Variants in DQX1 observed in about 807,000 individuals in gnomAD.
The protein encoded by DQX1 is ATP-dependent RNA helicase homolog DQX1.
DQX1 carries 66 observed loss-of-function variants against 81.3 expected under a neutral mutation model. The observed-to-expected ratio is 0.81, with a 90% CI of 0.67 to 1.00. The LOEUF is 1.00. Ranked by LOEUF, DQX1 falls within the 50% of genes least tolerant of loss-of-function variation. The pLI is 0.00. For missense variants in DQX1, 798 were observed against 867.9 expected (o/e 0.92, Z 1.01); for synonymous variants, 290 against 350.0 (o/e 0.83, Z 1.91).
At chr2:74,518,975 C>T in intron 11 of DQX1, 65 bp downstream of exon 11, 1 of 1,434,468 alleles carries the variant, frequency 7.0e-7, no homozygotes, top group Non-Finnish European at 9.3e-7. Context: ...TCTCTAACTC[C>T]CCAGCCATAA....
chr2:74,523,650 T>G, intron 4 of DQX1, 113 bp from the exon 5 acceptor site: 1 of 1,073,988 alleles, frequency 9.3e-7, no homozygotes, highest in Admixed American at 2.5e-5. Context: ...AAATGCAAAT[T>G]ACTCATAAAG....
At position 74,518,361 on chromosome 2, in the gene DQX1, A is replaced by G; in HGVS notation, c.*85T>C. ...ATTTGACCCTAAACTTTGGGCTTCT[A>G]AATCTGTCTGGGTGCTTTGGTGTCA... On this transcript the variant is annotated 3_prime_UTR_variant, in exon 12 of 12. Coordinates refer to ENST00000404568, the MANE Select transcript of DQX1 (RefSeq NM_133637.3). The G allele has an allele frequency of 6.6e-7, 1 of 1,523,000 alleles. No homozygotes were observed. The highest frequency in any genetic ancestry group is 2.0e-5 in the Admixed American group (1 of 50,796). The allele number at this position is 1,523,000 out of a possible 1,614,324, so 94.3% of individuals were successfully genotyped here.
intron 4 of DQX1, 84 bp from the exon 5 acceptor site, chr2:74,523,621 A>G: frequency 7.6e-7 from 1 of 1,320,940 alleles, no homozygotes; most frequent in South Asian, 1.3e-5. Flanking sequence ...GTTGAAAGTT[A>G]TGGCCCTTCA....
intron 8 of DQX1, among the ~76,000 whole-genome samples, chr2:74,522,061 G>A (rs1192667910): frequency 6.6e-6 from 1 of 152,226 alleles, no homozygotes; most frequent in African/African-American, 2.4e-5. Context: ...GACCAGAGAC[G>A]TAGGATGAAA....
At chr2:74,521,344 A>G (rs761542832) in intron 8 of DQX1, among the ~76,000 whole-genome samples, 8 of 152,128 alleles carry the variant, frequency 5.3e-5, no homozygotes, top group Non-Finnish European at 1.2e-4. Context: ...ACTGTTAACT[A>G]TTCTGGTAGA....
intron 9 of DQX1, 35 bp from the exon 10 acceptor site, chr2:74,519,781 C>T (rs1003286889): frequency 1.2e-6 from 2 of 1,611,126 alleles, no homozygotes; most frequent in South Asian, 1.1e-5. Flanking sequence ...AACTAAAGTC[C>T]TTGAGACCCC....
intron 4 of DQX1, 27 bp downstream of exon 4, chr2:74,523,896 T>G (rs776259210): frequency 2.7e-6 from 4 of 1,498,728 alleles, no homozygotes; most frequent in Non-Finnish European, 1.8e-6. Context: ...TTGCAGGCTG[T>G]TTTTTTTGTT....
rs774756227 is a variant in DQX1 at position 74,519,764 on chromosome 2, C to T, written c.1616-18G>A. 3 of 1,613,528 alleles carry T rather than the reference C, an allele frequency of 1.9e-6. No homozygotes were observed. Among genetic ancestry groups the T allele is most frequent in the Non-Finnish European group, 1.7e-6 (2 of 1,179,614 alleles). On this transcript the variant is annotated intron_variant, in intron 9 of 11. Transcript: ENST00000404568. The stretch of plus-strand genomic sequence containing the variant: ...TGCTCCACCTAGGAGAGGAAAGGGA[C>T]CAGCTAAACTAAAGTCCTTGAGACC...
In DQX1 at chr2:74,525,476, C is replaced by G. The variant is rs1675151063; in HGVS notation, c.237+17G>C. 5 of 1,550,730 alleles carry G rather than the reference C, an allele frequency of 3.2e-6. No individual in the cohort carries two copies. The highest frequency in any genetic ancestry group is 2.0e-5 in the Admixed American group (1 of 50,990). On this transcript the variant is annotated intron_variant, in intron 2 of 11. Transcript: ENST00000404568. The surrounding 1 kb of genome is among the most constrained non-coding windows in gnomAD (Gnocchi z 4.1). ...TCCACTCCCAGAATCTGCCTGCCCCCACAACCCCCACCACACCTGGGTGCT... is the reference window on the plus strand; with the variant it reads ...TCCACTCCCAGAATCTGCCTGCCCCGACAACCCCCACCACACCTGGGTGCT...
In DQX1 at chr2:74,523,989, T is replaced by C. The variant is rs759150851; in HGVS notation, c.750A>G (p.Gln250=). The C allele has an allele frequency of 2.5e-6, 4 of 1,614,008 alleles. No homozygotes were observed. Among genetic ancestry groups the C allele is most frequent in the Non-Finnish European group, 1.7e-6 (2 of 1,179,896 alleles). The part of the protein sequence containing the change: ...IPPDRVEAAC[Q]AVLELCRKEL... ...CCTTCCGACACAATTCAAGCACTGC[T>C]TGGCAGGCAGCTTCCACCCGATCAG... Residue 250 remains glutamine (Q), a synonymous_variant, in exon 4 of 12, where the codon CAA becomes CAG. Coordinates refer to ENST00000404568, the MANE Select transcript of DQX1 (RefSeq NM_133637.3).
In DQX1 at chr2:74,525,421, T is replaced by C; in HGVS notation, c.237+72A>G. 2 of 1,472,102 alleles carry C rather than the reference T, an allele frequency of 1.4e-6. No homozygotes were observed. The highest frequency in any genetic ancestry group is 4.1e-5 in the Admixed American group (2 of 48,892). The allele number at this position is 1,472,102 out of a possible 1,614,324, so 91.2% of individuals were successfully genotyped here. On this transcript the variant is annotated intron_variant, in intron 2 of 11. Coordinates refer to ENST00000404568, the MANE Select transcript of DQX1 (RefSeq NM_133637.3). The surrounding 1 kb of genome is among the most constrained non-coding windows in gnomAD (Gnocchi z 4.1). ...CCCCTTGCCCAGGGAAAGGCCACTT[T>C]CCCTTTGTCCTCCCTTTGTCCTCCC...
chr2:74,519,255 C>T lies in DQX1; in HGVS notation c.1807-25G>A, dbSNP rs146569932. ...CCTTATTGAAAGGCAGAAATATTGA[C>T]GGAATAAATAAAAGGGAAGAGGCAG... On this transcript the variant is annotated intron_variant, in intron 10 of 11. Coordinates refer to ENST00000404568, the MANE Select transcript of DQX1 (RefSeq NM_133637.3). The T allele has an allele frequency of 1.6e-4, 238 of 1,519,824 alleles. No individual in the cohort carries two copies. Among genetic ancestry groups the T allele is most frequent in the Middle Eastern group, 7.1e-4 (4 of 5,598 alleles). The allele number at this position is 1,519,824 out of a possible 1,614,324, so 94.1% of individuals were successfully genotyped here.
chr2:74,518,638 TTCTC>T lies in DQX1; in HGVS notation c.1998-40_1998-37del, dbSNP rs370319237. 972 of 1,601,708 alleles carry T rather than the reference TTCTC, an allele frequency of 6.1e-4. 3 individuals carry two copies. In the African/African-American group the frequency reaches 0.012, roughly 20 times the overall value. ...GAGTCATAATTAGATGATCTGCATCTTCTCTCTCTCTGTCTCTCTCTTTTTAGAG... is the reference window on the plus strand; with the variant it reads ...GAGTCATAATTAGATGATCTGCATCTTCTCTCTGTCTCTCTCTTTTTAGAG... On this transcript the variant is annotated intron_variant, in intron 11 of 11. Transcript: ENST00000404568.
At chr2:74,521,175 A>G (rs1675013732) in intron 8 of DQX1, among the ~76,000 whole-genome samples, 1 of 152,206 alleles carries the variant, frequency 6.6e-6, no homozygotes, top group South Asian at 2.1e-4. Flanking sequence ...ATAAAAGTGA[A>G]ATAACCTGGA....
In DQX1 at chr2:74,518,349, CTT is replaced by C. The variant is rs1250126515; in HGVS notation, c.*95_*96del. 2.7e-6 allele frequency: 4 copies of C among 1,466,916 alleles called. No individual in the cohort carries two copies. The African/African-American group carries it at 5.6e-5, about 21-fold the overall frequency. The allele number at this position is 1,466,916 out of a possible 1,614,324, so 90.9% of individuals were successfully genotyped here. A position where few individuals can be genotyped will look rare whatever the true frequency, so the allele number is the denominator to read the frequency against. On this transcript the variant is annotated 3_prime_UTR_variant, in exon 12 of 12. Coordinates refer to ENST00000404568, the MANE Select transcript of DQX1 (RefSeq NM_133637.3). Reference sequence around the variant, plus strand: ...TCCAGGGTTTACATTTGACCCTAAACTTTGGGCTTCTAAATCTGTCTGGGTGC... The same window carrying C: ...TCCAGGGTTTACATTTGACCCTAAACTGGGCTTCTAAATCTGTCTGGGTGC...
intron 7 of DQX1, 40 bp downstream of exon 7, chr2:74,522,816 G>C: frequency 6.2e-7 from 1 of 1,612,602 alleles, no homozygotes; most frequent in Non-Finnish European, 8.5e-7. Context: ...TTCAGAACTG[G>C]GTGGTCAGAT....
At position 74,519,154 on chromosome 2, in the gene DQX1, C is replaced by A. The variant is rs748666322; in HGVS notation, c.1883G>T (p.Cys628Phe). ...HKHVAQLSSY[C>F]CYRSRRAPAR... ...AGGAGCTCTGCGGCTTCGGTAGCAGCAGTATGAGGAGAGCTGGGCCACATG... is the reference window on the plus strand; with the variant it reads ...AGGAGCTCTGCGGCTTCGGTAGCAGAAGTATGAGGAGAGCTGGGCCACATG... The change falls in exon 11 of 12, where the codon TGC (cysteine) becomes TTC (phenylalanine). Residue 628 changes from cysteine (C) to phenylalanine (F), a missense_variant. By Grantham distance (205) the Cys-to-Phe change is radical. Coordinates refer to ENST00000404568, the MANE Select transcript of DQX1 (RefSeq NM_133637.3). The A allele has an allele frequency of 1.9e-6, 3 of 1,613,090 alleles. No homozygotes were observed. Among genetic ancestry groups the A allele is most frequent in the Non-Finnish European group, 2.5e-6 (3 of 1,179,566 alleles).
Position 74,524,188 on chromosome 2 carries a change from C to T in DQX1, c.551G>A (p.Gly184Glu). The part of the protein sequence containing the change: ...ERSVASDSLQ[G>E]LLQDARLEKL... Reference sequence around the variant, plus strand: ...TTCCAGCCTGGCATCTTGCAGTAGCCCCTGGAGTGAATCTGATGCCACCGA... The same window carrying T: ...TTCCAGCCTGGCATCTTGCAGTAGCTCCTGGAGTGAATCTGATGCCACCGA... The change falls in exon 4 of 12, where the codon GGG (glycine) becomes GAG (glutamate). Residue 184 changes from glycine (G) to glutamate (E), a missense_variant. Gly to Glu is a moderately conservative substitution (Grantham distance 98). Coordinates refer to ENST00000404568, the MANE Select transcript of DQX1 (RefSeq NM_133637.3). The T allele has an allele frequency of 6.2e-7, 1 of 1,614,088 alleles. No individual in the cohort carries two copies. Among genetic ancestry groups the T allele is most frequent in the Non-Finnish European group, 8.5e-7 (1 of 1,180,028 alleles).
intron 3 of DQX1, 23 bp downstream of exon 3, chr2:74,524,986 G>T (rs1675132859): frequency 6.2e-7 from 1 of 1,600,132 alleles, no homozygotes; most frequent in Non-Finnish European, 8.5e-7. Flanking sequence ...TTATATTCGG[G>T]TAAGGCCTGC....
Sources: gnomAD v4.1 joint callset for allele counts (sites outside exome capture counted in the v4.1 genomes callset) on GRCh38, gnomAD v4.1.1 for gene constraint, Gnocchi (gnomAD v3.1) non-coding constraint, MANE v1.5 for transcripts, NCBI Gene and HGNC (gene_info 2026-07-23, HGNC 2026-07-21) for gene names.